PRKN: variants seen among roughly 807,000 people sequenced by gnomAD.
The protein encoded by PRKN is parkin RBR E3 ubiquitin protein ligase.
In PRKN, 56 loss-of-function variants were observed where a neutral mutation model predicts 59.5. That is an observed-to-expected ratio of 0.94 (90% CI 0.76 to 1.18). PRKN has a LOEUF of 1.18. PRKN is among the 50% of genes most tolerant of loss of function. PRKN has a pLI of 0.00. For synonymous variants in PRKN, 250 were observed against 222.1 expected, an observed-to-expected ratio of 1.13 and a Z score of -1.12; for missense variants, 657 against 596.4, an observed-to-expected ratio of 1.10 and a Z score of -1.06.
rs1562385175 is a variant in PRKN at position 161,348,846 on chromosome 6, C to T, written c.*1253G>A. On this transcript the variant is annotated 3_prime_UTR_variant, in exon 12 of 12. Transcript: ENST00000366898. This position sits in a 1 kb window ranked among gnomAD's most constrained non-coding sequence, Gnocchi z 4.9. ...GTGTGGGTAAGAGCATGCGGTTTGCCGCATGCAGTGTTGTTAATCTTTTGA... is the reference window on the plus strand; with the variant it reads ...GTGTGGGTAAGAGCATGCGGTTTGCTGCATGCAGTGTTGTTAATCTTTTGA... The T allele has an allele frequency of 1.4e-5, 3 of 207,474 alleles. No homozygotes were observed. The highest frequency in any genetic ancestry group is 2.9e-5 in the Non-Finnish European group (3 of 101,808). The allele number at this position is 207,474 out of a possible 1,614,324, so 12.9% of individuals were successfully genotyped here. A position where few individuals can be genotyped will look rare whatever the true frequency, so the allele number is the denominator to read the frequency against.
rs1005117815 is a variant in PRKN at position 161,777,245 on chromosome 6, T to C, written c.871+8527A>G. Among the ~76,000 whole-genome samples the C allele has an allele frequency of 1.2e-4, 19 of 152,344 alleles. 4 individuals are homozygous for C. The highest frequency in any genetic ancestry group is 1.2e-3 in the Admixed American group (19 of 15,292). On this transcript the variant is annotated intron_variant, in intron 7 of 11. Coordinates refer to ENST00000366898, the MANE Select transcript of PRKN (RefSeq NM_004562.3). Reference sequence around the variant, plus strand: ...AGCGCTCATTAATCATTACTCGTTTTTGAATTTTAGGGAAATAAAATTTCA... The same window carrying C: ...AGCGCTCATTAATCATTACTCGTTTCTGAATTTTAGGGAAATAAAATTTCA...
rs1350473455 is a variant in PRKN, at chr6:161,533,400, C to A, written c.1083+15454G>T. On this transcript the variant is annotated intron_variant, in intron 9 of 11. Coordinates refer to ENST00000366898, the MANE Select transcript of PRKN (RefSeq NM_004562.3). The surrounding 1 kb of genome is among the most constrained non-coding windows in gnomAD (Gnocchi z 4.1). Reference sequence around the variant, plus strand: ...CGACCTGCAGACACAAACAAGCATGCTGGAAGCTTGCACAGGTACATGCTG... The same window carrying A: ...CGACCTGCAGACACAAACAAGCATGATGGAAGCTTGCACAGGTACATGCTG... Among the ~76,000 whole-genome samples the A allele has an allele frequency of 6.6e-6, 1 of 152,092 alleles. No homozygotes were observed. Among genetic ancestry groups the A allele is most frequent in the Non-Finnish European group, 1.5e-5 (1 of 68,022 alleles).
intron 1 of PRKN, among the ~76,000 whole-genome samples, chr6:162,612,744 C>A (rs898389440): frequency 6.6e-6 from 1 of 151,866 alleles, no homozygotes; most frequent in African/African-American, 2.4e-5. Flanking sequence ...CCCAGAGTTA[C>A]GCTTTCCAGA....
intron 1 of PRKN, among the ~76,000 whole-genome samples, chr6:162,711,817 G>A (rs537039911): frequency 5.3e-5 from 8 of 152,276 alleles, no homozygotes; most frequent in African/African-American, 1.9e-4. Context: ...TATTATCATT[G>A]ACAATGAGAC....
In PRKN at chr6:161,740,628, C is replaced by T. The variant is rs75786665; in HGVS notation, c.871+45144G>A. Among the ~76,000 whole-genome samples, 4,018 of 152,298 alleles carry T rather than the reference C, an allele frequency of 0.026. 585 individuals are homozygous for T. In the East Asian group the frequency reaches 0.46, roughly 17 times the overall value. On this transcript the variant is annotated intron_variant, in intron 7 of 11. Coordinates refer to ENST00000366898, the MANE Select transcript of PRKN (RefSeq NM_004562.3). ...TAGAAACCGGATGTGGTAGTTGAATCAAGTTCGGGTTTTACAACTGTAATG... is the reference window on the plus strand; with the variant it reads ...TAGAAACCGGATGTGGTAGTTGAATTAAGTTCGGGTTTTACAACTGTAATG...
intron 7 of PRKN, among the ~76,000 whole-genome samples, chr6:161,714,855 CA>C (rs1470506509): frequency 6.6e-6 from 1 of 152,152 alleles, no homozygotes. Context: ...CGCCACCCCA[CA>C]AAGACACATA....
intron 2 of PRKN, among the ~76,000 whole-genome samples, chr6:162,390,396 T>TATATAC (rs1180636201): frequency 0.025 from 2,079 of 84,030 alleles, 55 homozygotes; most frequent in African/African-American, 0.044. Context: ...TATATATATA[T>TATATAC]ACACACACAC....
chr6:162,451,741 T>C (rs886900150), intron 1 of PRKN, among the ~76,000 whole-genome samples: 4 of 152,124 alleles, frequency 2.6e-5, no homozygotes, highest in Non-Finnish European at 5.9e-5. Context: ...AGGGACATAT[T>C]AGATAATATC....
In PRKN at chr6:162,653,980, C is replaced by A. The variant is rs139011530; in HGVS notation, c.7+73682G>T. Among the ~76,000 whole-genome samples, 16 of 152,280 alleles carry A rather than the reference C, an allele frequency of 1.1e-4. No homozygotes were observed. In the East Asian group the frequency reaches 3.1e-3, roughly 29 times the overall value. The stretch of plus-strand genomic sequence containing the variant: ...TGTTCAACAAGTACCTACTCACTGG[C>A]ACTCTTTTTGAAGGCAGAGAGGACT... On this transcript the variant is annotated intron_variant, in intron 1 of 11. Transcript: ENST00000366898.
At chr6:161,729,318 G>A (rs1787577811) in intron 7 of PRKN, among the ~76,000 whole-genome samples, 1 of 151,884 alleles carries the variant, frequency 6.6e-6, no homozygotes, top group African/African-American at 2.4e-5. Context: ...AATAATTAAG[G>A]GGAAAAAAGT....
intron 4 of PRKN, among the ~76,000 whole-genome samples, chr6:162,189,523 C>T (rs1477622887): frequency 6.6e-6 from 1 of 150,842 alleles, no homozygotes; most frequent in African/African-American, 2.4e-5. Context: ...ACATCTTAAA[C>T]ATCAAATAAT....
At chr6:162,519,164 C>A (rs940746732) in intron 1 of PRKN, among the ~76,000 whole-genome samples, 1 of 152,074 alleles carries the variant, frequency 6.6e-6, no homozygotes, top group African/African-American at 2.4e-5. Context: ...GAGCGAAACT[C>A]CGTCTCAAAA....
intron 1 of PRKN, among the ~76,000 whole-genome samples, chr6:162,670,095 A>T (rs1368499947): frequency 6.6e-6 from 1 of 152,192 alleles, no homozygotes; most frequent in East Asian, 1.9e-4. Flanking sequence ...AACAGAATTA[A>T]ATATCCCTTT....
chr6:162,158,871 C>T (rs766471668), intron 4 of PRKN, among the ~76,000 whole-genome samples: 30 of 151,960 alleles, frequency 2.0e-4, no homozygotes, highest in South Asian at 4.1e-4. Flanking sequence ...CCATATTCCA[C>T]CCCTGTAGCT....
intron 5 of PRKN, among the ~76,000 whole-genome samples, chr6:161,974,917 G>A (rs1383792054): frequency 2.6e-5 from 4 of 152,110 alleles, no homozygotes; most frequent in African/African-American, 9.7e-5. Context: ...ACAGCCATAA[G>A]CAGTATGCAA....
rs1023332393 is a variant in PRKN at position 161,376,363 on chromosome 6, T to C, written c.1167+10431A>G. 3.3e-5 allele frequency among the ~76,000 whole-genome samples: 5 copies of C among 152,224 alleles called. No individual in the cohort carries two copies. The highest frequency in any genetic ancestry group is 3.3e-4 in the Admixed American group (5 of 15,288). On this transcript the variant is annotated intron_variant, in intron 10 of 11. Coordinates refer to ENST00000366898, the MANE Select transcript of PRKN (RefSeq NM_004562.3). This position sits in a 1 kb window ranked among gnomAD's most constrained non-coding sequence, Gnocchi z 7.3. ...AGCTGAGATGTCCACAATGAATGTG[T>C]GTCTCCCCGAACAACCTGCTTTTGT...
chr6:162,448,468 C>T (rs530227168), intron 1 of PRKN, among the ~76,000 whole-genome samples: 1 of 152,288 alleles, frequency 6.6e-6, no homozygotes, highest in East Asian at 1.9e-4. Context: ...GAGCTCTACA[C>T]TTCAATCCTG....
In PRKN at chr6:161,413,162, G is replaced by A. The variant is rs1787667862; in HGVS notation, c.1084-26285C>T. Among the ~76,000 whole-genome samples the A allele has an allele frequency of 6.6e-6, 1 of 152,168 alleles. No individual in the cohort carries two copies. The highest frequency in any genetic ancestry group is 1.5e-5 in the Non-Finnish European group (1 of 68,030). On this transcript the variant is annotated intron_variant, in intron 9 of 11. Coordinates refer to ENST00000366898, the MANE Select transcript of PRKN (RefSeq NM_004562.3). This position sits in a 1 kb window ranked among gnomAD's most constrained non-coding sequence, Gnocchi z 4.4. The stretch of plus-strand genomic sequence containing the variant: ...CAAGTACGTGGAAGTCTGAGGGGCG[G>A]AGGAATGTGCATTTAGGGTCGTGGG...
chr6:162,157,554 T>C (rs1237365287), intron 4 of PRKN, among the ~76,000 whole-genome samples: 1 of 150,768 alleles, frequency 6.6e-6, no homozygotes, highest in Admixed American at 6.6e-5. Flanking sequence ...GCTTAGAAAA[T>C]GCTTCTGCAC....
Sources: gnomAD v4.1 joint callset for allele counts (sites outside exome capture counted in the v4.1 genomes callset) on GRCh38, gnomAD v4.1.1 for gene constraint, Gnocchi (gnomAD v3.1) non-coding constraint, MANE v1.5 for transcripts, NCBI Gene and HGNC (gene_info 2026-07-23, HGNC 2026-07-21) for gene names.